Variants in XPR1 observed in about 807,000 individuals in gnomAD.
XPR1 encodes xenotropic and polytropic retrovirus receptor 1.
A neutral mutation model predicts 87.5 loss-of-function variants in XPR1; 28 were observed. The ratio of observed to expected loss-of-function variants is 0.32; its 90% confidence interval spans 0.24 to 0.44. The LOEUF is 0.44. Ranked by LOEUF, XPR1 falls within the 20% of genes least tolerant of loss-of-function variation. The pLI, the probability that XPR1 is intolerant of heterozygous loss-of-function variation, is 1.00. For synonymous variants in XPR1, 300 were observed against 306.1 expected (o/e 0.98, Z 0.21); for missense variants, 559 against 862.3 (o/e 0.65, Z 4.41).
At chr1:180,697,567 G>C in intron 2 of XPR1, among the ~76,000 whole-genome samples, 1 of 151,748 alleles carries the variant, frequency 6.6e-6, no homozygotes, top group East Asian at 1.9e-4. Context: ...CCCTCTACTT[G>C]TTTGATATAG....
intron 2 of XPR1, among the ~76,000 whole-genome samples, chr1:180,712,178 T>C (rs1392784596): frequency 2.0e-5 from 3 of 152,230 alleles, no homozygotes. Flanking sequence ...TATAACAGTA[T>C]GTCAGCATCA....
chr1:180,830,978 G>A (rs6677506), intron 9 of XPR1, among the ~76,000 whole-genome samples: 58,093 of 151,848 alleles, frequency 0.38, 11,305 homozygotes, highest in African/African-American at 0.42. Flanking sequence ...AAAGCCTTGA[G>A]GAAAATACAC....
At chr1:180,854,359 G>T (rs906979828) in intron 11 of XPR1, among the ~76,000 whole-genome samples, 1 of 152,230 alleles carries the variant, frequency 6.6e-6, no homozygotes, top group Non-Finnish European at 1.5e-5. Context: ...CAGGTTATAG[G>T]AGAATTTATG....
intron 2 of XPR1, among the ~76,000 whole-genome samples, chr1:180,766,032 T>C (rs556058385): frequency 1.3e-5 from 2 of 152,328 alleles, no homozygotes; most frequent in East Asian, 3.9e-4. Context: ...TGTGGTCTTA[T>C]AAGTTATCAT....
chr1:180,860,797 G>A (rs1263035879), intron 11 of XPR1, among the ~76,000 whole-genome samples: 2 of 149,314 alleles, frequency 1.3e-5, no homozygotes, highest in Non-Finnish European at 3.0e-5. Flanking sequence ...TGAGCAGGAT[G>A]TGACTAAAAA....
rs199514965 is a variant in XPR1, at chr1:180,813,048, C to CA, written c.763+1560_763+1561insA. 6.1e-3 allele frequency among the ~76,000 whole-genome samples: 900 copies of CA among 147,328 alleles called. 7 individuals are homozygous for CA. The highest frequency in any genetic ancestry group is 0.01 in the Non-Finnish European group (682 of 66,818). On this transcript the variant is annotated intron_variant, in intron 7 of 14. Coordinates refer to ENST00000367590, the MANE Select transcript of XPR1 (RefSeq NM_004736.4). ...GCTACTAGTGTCTTTTTTCCCCCCC[C>CA]CCAATGGAAGTTAGATCATGTCACT... is the stretch of plus-strand genomic sequence containing the variant.
At chr1:180,816,181 GC>G (rs1236369347) in intron 7 of XPR1, among the ~76,000 whole-genome samples, 1 of 152,164 alleles carries the variant, frequency 6.6e-6, no homozygotes, top group Admixed American at 6.5e-5. Context: ...CACTGGGCTG[GC>G]GGGTAGGAGA....
intron 2 of XPR1, among the ~76,000 whole-genome samples, chr1:180,749,719 T>C (rs10914087): frequency 0.043 from 6,450 of 151,150 alleles, 495 homozygotes; most frequent in African/African-American, 0.15. Context: ...CTACTACATC[T>C]AGCACAGAGT....
chr1:180,750,971 T>G (rs541349667), intron 2 of XPR1, among the ~76,000 whole-genome samples: 1 of 152,176 alleles, frequency 6.6e-6, no homozygotes, highest in East Asian at 1.9e-4. Context: ...CACATACAGA[T>G]CTTGCACATA....
chr1:180,682,631 G>A (rs1246717151), intron 2 of XPR1, among the ~76,000 whole-genome samples: 1 of 151,088 alleles, frequency 6.6e-6, no homozygotes, highest in East Asian at 1.9e-4. Context: ...CTATGTCTTT[G>A]TGTCACCTTA....
Position 180,768,186 on chromosome 1 carries a change from G to A in XPR1, c.122-19567G>A, listed in dbSNP as rs113998348. On this transcript the variant is annotated intron_variant, in intron 2 of 14. Coordinates refer to ENST00000367590, the MANE Select transcript of XPR1 (RefSeq NM_004736.4). ...ACAAATTTTCAGTTAAACTGAATGA[G>A]TAGAGGTTTGACCTAAAACTAAGAT... Among the ~76,000 whole-genome samples, 504 of 152,072 alleles carry A rather than the reference G, an allele frequency of 3.3e-3. 5 individuals are homozygous for A. The highest frequency in any genetic ancestry group is 0.011 in the African/African-American group (475 of 41,488).
At chr1:180,762,139 G>T (rs576314082) in intron 2 of XPR1, among the ~76,000 whole-genome samples, 1 of 119,472 alleles carries the variant, frequency 8.4e-6, no homozygotes, top group South Asian at 3.4e-4. Context: ...GGGGAGGGGG[G>T]AGGGATAGCA....
At chr1:180,777,958 A>G (rs947473712) in intron 2 of XPR1, among the ~76,000 whole-genome samples, 2 of 152,122 alleles carry the variant, frequency 1.3e-5, no homozygotes, top group Non-Finnish European at 2.9e-5. Context: ...TCCACAGAAT[A>G]CTGTTTCAGG....
chr1:180,807,972 G>A (rs894884158), intron 6 of XPR1, among the ~76,000 whole-genome samples: 4 of 152,072 alleles, frequency 2.6e-5, no homozygotes, highest in South Asian at 2.1e-4. Context: ...CCACTGCACT[G>A]AGTGACAGAG....
Position 180,886,713 on chromosome 1 carries a change from C to A in XPR1, c.*2647C>A, listed in dbSNP as rs896546181. On this transcript the variant is annotated 3_prime_UTR_variant, in exon 15 of 15. Transcript: ENST00000367590. ...AAGAGAAAAGAGGACTTTTCCTCAT[C>A]AAGAGAGCTTGGGAGACAAAGCATA... is the stretch of plus-strand genomic sequence containing the variant. 1 of 152,182 alleles carries A rather than the reference C, an allele frequency of 6.6e-6. No homozygotes were observed. The highest frequency in any genetic ancestry group is 6.5e-5 in the Admixed American group (1 of 15,278). 9.4% of individuals were successfully genotyped at this position (152,182 alleles called of 1,614,324 possible).
intron 2 of XPR1, among the ~76,000 whole-genome samples, chr1:180,714,346 CTGT>C (rs1657906443): frequency 8.4e-6 from 1 of 119,688 alleles, no homozygotes; most frequent in Non-Finnish European, 1.7e-5. Context: ...TATTTTTTCC[CTGT>C]TCTCTCTCTC....
In XPR1 at chr1:180,727,310, G is replaced by A. The variant is rs541781974; in HGVS notation, c.121+44899G>A. On this transcript the variant is annotated intron_variant, in intron 2 of 14. Coordinates refer to ENST00000367590, the MANE Select transcript of XPR1 (RefSeq NM_004736.4). ...TTAAGAGAAGGTTCTTGGATCTTGC[G>A]CAAGAAAGAATGTGAGGCAAGTCCA... Among the ~76,000 whole-genome samples the A allele has an allele frequency of 4.6e-5, 7 of 152,230 alleles. No individual in the cohort carries two copies. The East Asian group carries it at 1.4e-3, about 29-fold the overall frequency.
chr1:180,841,386 C>T (rs1651509163), intron 11 of XPR1, among the ~76,000 whole-genome samples: 1 of 148,670 alleles, frequency 6.7e-6, no homozygotes. Flanking sequence ...TTTTTTTTTC[C>T]AGACAAAGCG....
chr1:180,874,105 G>C, intron 13 of XPR1, 163 bp downstream of exon 13: 1 of 867,972 alleles, frequency 1.2e-6, no homozygotes, highest in South Asian at 2.0e-5. Flanking sequence ...ATGTTGGCCA[G>C]GCTGATCTCG....
Sources: allele counts gnomAD v4.1 joint callset (sites outside exome capture counted in the v4.1 genomes callset), GRCh38; gene constraint gnomAD v4.1.1; transcripts MANE v1.5; gene names NCBI Gene and HGNC (gene_info 2026-07-23, HGNC 2026-07-21).